Variants in ELMO1 observed in about 807,000 individuals in gnomAD.
ELMO1 encodes the protein engulfment and cell motility protein 1.
In ELMO1, 26 loss-of-function variants were observed where a neutral mutation model predicts 98.9. The observed-to-expected ratio is 0.26, with a 90% CI of 0.19 to 0.36. ELMO1 has a LOEUF of 0.36. Among genes scored for constraint, ELMO1 ranks in the 10% least tolerant of loss-of-function variants. The pLI is 1.00. For synonymous variants in ELMO1, 346 were observed against 346.0 expected (o/e 1.00, Z 0.00); for missense variants, 627 against 935.2 (o/e 0.67, Z 4.30).
chr7:37,075,583 G>A (rs932283986), intron 15 of ELMO1, among the ~76,000 whole-genome samples: 2 of 152,026 alleles, frequency 1.3e-5, no homozygotes, highest in African/African-American at 2.4e-5. Context: ...GGTTCTATTC[G>A]GCAGCTAAAA....
chr7:36,910,729 G>C (rs1784287605), intron 16 of ELMO1, among the ~76,000 whole-genome samples: 2 of 152,172 alleles, frequency 1.3e-5, no homozygotes, highest in Admixed American at 1.3e-4. Context: ...TGGTCAACGA[G>C]CTTTGATAGG....
intron 15 of ELMO1, among the ~76,000 whole-genome samples, chr7:37,088,686 A>G (rs946996263): frequency 2.0e-5 from 3 of 152,198 alleles, no homozygotes; most frequent in Middle Eastern, 3.2e-3. Flanking sequence ...CTGATCCTGA[A>G]TGCAAGAATT....
At chr7:37,211,231 G>T in intron 13 of ELMO1, 155 bp downstream of exon 13, 1 of 1,024,056 alleles carries the variant, frequency 9.8e-7, no homozygotes, top group Non-Finnish European at 1.4e-6. Flanking sequence ...AGATTTTCAT[G>T]TGATCCTGTT....
intron 14 of ELMO1, among the ~76,000 whole-genome samples, chr7:37,117,822 C>T (rs1400203666): frequency 2.0e-5 from 3 of 152,236 alleles, no homozygotes; most frequent in South Asian, 4.1e-4. Flanking sequence ...CAAGGCTGTG[C>T]CTTTGGGGTC....
intron 13 of ELMO1, among the ~76,000 whole-genome samples, chr7:37,177,460 T>G (rs1200458736): frequency 6.6e-6 from 1 of 152,232 alleles, no homozygotes; most frequent in Non-Finnish European, 1.5e-5. Context: ...AATATTCAAG[T>G]TACAGCACAA....
At chr7:37,426,958 C>T (rs1054104901) in intron 1 of ELMO1, among the ~76,000 whole-genome samples, 1 of 151,800 alleles carries the variant, frequency 6.6e-6, no homozygotes, top group Non-Finnish European at 1.5e-5. Context: ...CACCGAGAAA[C>T]ATTTACTCAG....
chr7:37,267,363 C>T (rs1181057069), intron 5 of ELMO1, among the ~76,000 whole-genome samples: 1 of 152,206 alleles, frequency 6.6e-6, no homozygotes, highest in Non-Finnish European at 1.5e-5. Context: ...CTGCACTTAC[C>T]TAGTCCAACT....
intron 16 of ELMO1, among the ~76,000 whole-genome samples, chr7:36,905,245 C>T (rs1332160805): frequency 1.3e-5 from 2 of 151,852 alleles, no homozygotes; most frequent in Non-Finnish European, 2.9e-5. Flanking sequence ...CTTTGCCAAA[C>T]ATGGGGTGAA....
At chr7:37,063,748 A>T (rs1488230797) in intron 15 of ELMO1, among the ~76,000 whole-genome samples, 2 of 152,094 alleles carry the variant, frequency 1.3e-5, no homozygotes, top group Non-Finnish European at 2.9e-5. Context: ...TTGAGCTGAG[A>T]GTATTGAGAA....
At chr7:37,081,027 C>CT (rs1797841294) in intron 15 of ELMO1, among the ~76,000 whole-genome samples, 2 of 152,130 alleles carry the variant, frequency 1.3e-5, no homozygotes, top group African/African-American at 4.8e-5. Context: ...TGACATACTT[C>CT]TTTATCTGTT....
chr7:37,207,572 C>A (rs1295642626), intron 13 of ELMO1, among the ~76,000 whole-genome samples: 1 of 152,048 alleles, frequency 6.6e-6, no homozygotes, highest in East Asian at 1.9e-4. Flanking sequence ...TAGCATTATC[C>A]CAGACAACTC....
chr7:37,298,303 AG>A (rs1798159888), intron 4 of ELMO1, among the ~76,000 whole-genome samples: 2 of 31,290 alleles, frequency 6.4e-5, no homozygotes, highest in South Asian at 7.5e-4. Flanking sequence ...TTTTTTTAAG[AG>A]TTTTTTTTTT....
intron 1 of ELMO1, chr7:37,375,544 A>C: frequency 9.6e-7 from 1 of 1,037,912 alleles, no homozygotes; most frequent in Non-Finnish European, 1.5e-6. Flanking sequence ...AAGAAGAACC[A>C]GATTGCCATT....
At chr7:36,906,481 C>T (rs755627530) in intron 16 of ELMO1, among the ~76,000 whole-genome samples, 4 of 152,244 alleles carry the variant, frequency 2.6e-5, no homozygotes, top group South Asian at 2.1e-4. Context: ...GTTGTTGATG[C>T]CTGGTATTAT....
At chr7:37,313,033 A>G (rs1477488837) in intron 4 of ELMO1, among the ~76,000 whole-genome samples, 1 of 152,188 alleles carries the variant, frequency 6.6e-6, no homozygotes, top group Non-Finnish European at 1.5e-5. Flanking sequence ...TTTCTATATA[A>G]CCTCTTTAAT....
intron 13 of ELMO1, among the ~76,000 whole-genome samples, chr7:37,182,770 G>T (rs1422965415): frequency 6.6e-6 from 1 of 152,024 alleles, no homozygotes; most frequent in Non-Finnish European, 1.5e-5. Flanking sequence ...TGAGACTCTG[G>T]GCAGGTTACT....
At chr7:37,135,066 T>G (rs1787179448) in intron 13 of ELMO1, among the ~76,000 whole-genome samples, 4 of 152,156 alleles carry the variant, frequency 2.6e-5, no homozygotes, top group Admixed American at 2.6e-4. Context: ...AAATAAAAAA[T>G]AGTTACAAAT....
chr7:37,183,570 G>T (rs926384524), intron 13 of ELMO1, among the ~76,000 whole-genome samples: 3 of 151,918 alleles, frequency 2.0e-5, no homozygotes, highest in African/African-American at 7.3e-5. Context: ...GAGAGAGAGA[G>T]AAATAGGGAG....
intron 1 of ELMO1, among the ~76,000 whole-genome samples, chr7:37,412,684 G>C (rs1364365438): frequency 2.6e-5 from 4 of 152,142 alleles, no homozygotes; most frequent in Non-Finnish European, 5.9e-5. Flanking sequence ...ACCCACCTTA[G>C]TGACTCCTCT....
Sources: allele counts gnomAD v4.1 joint callset (sites outside exome capture counted in the v4.1 genomes callset), GRCh38; gene constraint gnomAD v4.1.1; transcripts MANE v1.5; gene names NCBI Gene and HGNC (gene_info 2026-07-23, HGNC 2026-07-21).